CAST: variants seen among roughly 807,000 people sequenced by gnomAD.
CAST encodes the protein MIR583 host.
A neutral mutation model predicts 119.6 loss-of-function variants in CAST; 76 were observed. That is an observed-to-expected ratio of 0.64 (90% CI 0.53 to 0.77). The LOEUF (loss-of-function observed/expected upper bound fraction) is 0.77. CAST is among the 30% of genes least tolerant of loss of function. CAST has a pLI of 0.00. For missense variants in CAST, 953 were observed against 946.5 expected (o/e 1.01, Z -0.09); for synonymous variants, 319 against 331.6 (o/e 0.96, Z 0.41).
At chr5:96,402,732 T>G in the CAST span, among the ~76,000 whole-genome samples, 1 of 152,168 alleles carries the variant, frequency 6.6e-6, no homozygotes, top group East Asian at 1.9e-4. Flanking sequence ...ATTTTTGGCT[T>G]GTTGAATTAA....
chr5:96,105,889 A>G, the CAST span, among the ~76,000 whole-genome samples: 3 of 152,162 alleles, frequency 2.0e-5, no homozygotes, highest in Non-Finnish European at 4.4e-5. Flanking sequence ...TTGGTAAGCT[A>G]TTGATTATTG....
chr5:96,450,771 TAAAA>T, the CAST span, among the ~76,000 whole-genome samples: 1 of 152,114 alleles, frequency 6.6e-6, no homozygotes, highest in Non-Finnish European at 1.5e-5. Context: ...TTTGAAAAAT[TAAAA>T]AATGCACCCC....
intron 1 of CAST, among the ~76,000 whole-genome samples, chr5:96,604,319 C>A (rs1747213639): frequency 6.6e-6 from 1 of 152,138 alleles, no homozygotes; most frequent in Non-Finnish European, 1.5e-5. Flanking sequence ...AAGCTGAGTT[C>A]CATCATGTCT....
chr5:96,724,678 C>T (rs1427883530), intron 4 of CAST, among the ~76,000 whole-genome samples: 1 of 151,734 alleles, frequency 6.6e-6, no homozygotes, highest in Non-Finnish European at 1.5e-5. Context: ...AAAAAATTAG[C>T]CAGGTGTGGT....
chr5:96,243,340 GA>G, the CAST span, among the ~76,000 whole-genome samples: 1 of 149,260 alleles, frequency 6.7e-6, no homozygotes, highest in African/African-American at 2.5e-5. Context: ...GCTGTTACAA[GA>G]GACTGAAGAA....
chr5:96,634,578 T>C (rs1747862524), intron 1 of CAST, among the ~76,000 whole-genome samples: 1 of 152,198 alleles, frequency 6.6e-6, no homozygotes, highest in Non-Finnish European at 1.5e-5. Flanking sequence ...TCCTGAATCT[T>C]TCCTGGATGC....
At chr5:96,503,827 G>T in the CAST span, among the ~76,000 whole-genome samples, 1 of 152,070 alleles carries the variant, frequency 6.6e-6, no homozygotes, top group Middle Eastern at 3.4e-3. Flanking sequence ...CCTTTCCCTG[G>T]CCTGCACCCC....
chr5:96,434,510 C>T, the CAST span, among the ~76,000 whole-genome samples: 5 of 152,098 alleles, frequency 3.3e-5, no homozygotes, highest in African/African-American at 1.2e-4. Context: ...ATGATCGTGA[C>T]AACTTGTGTC....
intron 2 of CAST, among the ~76,000 whole-genome samples, chr5:96,683,318 T>C (rs1275353034): frequency 6.6e-6 from 1 of 152,214 alleles, no homozygotes. Flanking sequence ...ATTTTTGGCA[T>C]TTGGTAGGCT....
intron 2 of CAST, among the ~76,000 whole-genome samples, chr5:96,690,378 T>TG (rs570595401): frequency 1.3e-4 from 20 of 152,150 alleles, no homozygotes; most frequent in African/African-American, 4.8e-4. Context: ...GTTACAGACA[T>TG]GCGCCATTAC....
intron 2 of CAST, among the ~76,000 whole-genome samples, chr5:96,688,753 CT>C (rs1239359734): frequency 1.3e-5 from 2 of 152,040 alleles, no homozygotes; most frequent in Non-Finnish European, 2.9e-5. Context: ...CTTCTTCCTA[CT>C]TTTTTTAATC....
chr5:96,657,928 C>T (rs1184224667), upstream of CAST, among the ~76,000 whole-genome samples: 2 of 152,068 alleles, frequency 1.3e-5, no homozygotes, highest in Admixed American at 6.6e-5. Context: ...AAAACCTCAT[C>T]TCTACTAAAA....
At chr5:96,254,305 T>G in the CAST span, among the ~76,000 whole-genome samples, 12 of 152,216 alleles carry the variant, frequency 7.9e-5, no homozygotes, top group Admixed American at 7.2e-4. Flanking sequence ...AGAATATTAT[T>G]TCAGTGACTT....
the CAST span, among the ~76,000 whole-genome samples, chr5:96,421,204 T>C: frequency 1.3e-5 from 2 of 152,200 alleles, no homozygotes; most frequent in Admixed American, 6.5e-5. Flanking sequence ...AAGATCTTGC[T>C]CTTGGCCTCT....
chr5:96,425,004 AAAG>A, the CAST span, among the ~76,000 whole-genome samples: 178 of 127,892 alleles, frequency 1.4e-3, 2 homozygotes, highest in African/African-American at 5.8e-3. Flanking sequence ...AAAGAGAAAG[AAAG>A]AAAAGAAAGA....
chr5:96,077,348 T>A, the CAST span, among the ~76,000 whole-genome samples: 1 of 152,230 alleles, frequency 6.6e-6, no homozygotes, highest in Admixed American at 6.5e-5. Flanking sequence ...CATGACTGTA[T>A]AACTTTCTCT....
chr5:96,673,920 T>C (rs1750408965), intron 1 of CAST, among the ~76,000 whole-genome samples: 1 of 152,222 alleles, frequency 6.6e-6, no homozygotes, highest in Non-Finnish European at 1.5e-5. Context: ...GCACCCTGGC[T>C]GCTTTTCAGT....
the CAST span, among the ~76,000 whole-genome samples, chr5:96,192,931 T>C: frequency 3.2e-5 from 4 of 126,494 alleles, no homozygotes; most frequent in East Asian, 9.8e-4. Flanking sequence ...ATGTTTGTCG[T>C]AAGCCACTGA....
intron 1 of CAST, among the ~76,000 whole-genome samples, chr5:96,609,766 A>G (rs1413815264): frequency 6.6e-6 from 1 of 152,102 alleles, no homozygotes; most frequent in Non-Finnish European, 1.5e-5. Context: ...AAAAAGGGGG[A>G]AGGAATGTCT....
Sources: gnomAD v4.1 joint callset for allele counts (sites outside exome capture counted in the v4.1 genomes callset) on GRCh38, gnomAD v4.1.1 for gene constraint, MANE v1.5 for transcripts, NCBI Gene and HGNC (gene_info 2026-07-23, HGNC 2026-07-21) for gene names.